CNTNAP5: variants seen among roughly 807,000 people sequenced by gnomAD.
CNTNAP5 encodes the protein contactin associated protein family member 5.
Under a neutral mutation model 150.2 loss-of-function variants are expected in CNTNAP5, and 72 were observed. The ratio of observed to expected loss-of-function variants is 0.48; its 90% CI spans 0.40 to 0.58. The LOEUF is 0.58. CNTNAP5 is among the 20% of genes least tolerant of loss of function. The probability of loss-of-function intolerance (pLI) is 0.00; values close to 1 mark genes in which losing one functional copy is unlikely to be tolerated. For synonymous variants in CNTNAP5, 672 were observed against 619.8 expected, an observed-to-expected ratio of 1.08 and a Z score of -1.25; for missense variants, 1,636 against 1,626.2, an observed-to-expected ratio of 1.01 and a Z score of -0.10.
intron 12 of CNTNAP5, among the ~76,000 whole-genome samples, chr2:124,629,536 A>G (rs1484675191): frequency 6.6e-6 from 1 of 152,214 alleles, no homozygotes; most frequent in Admixed American, 6.5e-5. Flanking sequence ...ACAATTTATC[A>G]GAATCTCTGG....
At chr2:124,079,709 G>A (rs1163093021) in intron 1 of CNTNAP5, among the ~76,000 whole-genome samples, 1 of 152,146 alleles carries the variant, frequency 6.6e-6, no homozygotes, top group Non-Finnish European at 1.5e-5. Flanking sequence ...GCGTGTGTAT[G>A]AGCATGCGTG....
chr2:124,091,004 G>A (rs1312810761), intron 1 of CNTNAP5, among the ~76,000 whole-genome samples: 24 of 152,218 alleles, frequency 1.6e-4, no homozygotes, highest in Non-Finnish European at 1.5e-5. Flanking sequence ...AGACAGAAGT[G>A]AAGAAATCCA....
At chr2:124,496,304 G>T (rs142652007) in intron 7 of CNTNAP5, among the ~76,000 whole-genome samples, 2 of 152,270 alleles carry the variant, frequency 1.3e-5, no homozygotes, top group African/African-American at 4.8e-5. Flanking sequence ...GCCAGTCAGT[G>T]CTGGTAGTTC....
intron 3 of CNTNAP5, among the ~76,000 whole-genome samples, chr2:124,283,238 T>G (rs1376438806): frequency 2.0e-5 from 3 of 152,198 alleles, no homozygotes; most frequent in African/African-American, 4.8e-5. Context: ...GAGAGCATTT[T>G]CCCCTCAACA....
intron 22 of CNTNAP5, among the ~76,000 whole-genome samples, chr2:124,903,756 A>C (rs542468848): frequency 6.6e-6 from 1 of 152,256 alleles, no homozygotes; most frequent in East Asian, 1.9e-4. Flanking sequence ...GCTGTACATT[A>C]GTTCACCAAA....
intron 3 of CNTNAP5, among the ~76,000 whole-genome samples, chr2:124,243,580 T>C (rs796599608): frequency 3.0e-4 from 45 of 152,298 alleles, no homozygotes; most frequent in African/African-American, 1.1e-3. Flanking sequence ...GCGTAAGTTT[T>C]CTTCATTTTC....
At chr2:124,431,008 A>G (rs1003205973) in intron 4 of CNTNAP5, among the ~76,000 whole-genome samples, 3 of 152,180 alleles carry the variant, frequency 2.0e-5, no homozygotes, top group African/African-American at 7.2e-5. Context: ...CCCATCATAC[A>G]GATAGGAGAA....
At chr2:124,861,801 T>C (rs1677529726) in intron 19 of CNTNAP5, among the ~76,000 whole-genome samples, 1 of 152,100 alleles carries the variant, frequency 6.6e-6, no homozygotes, top group Admixed American at 6.6e-5. Context: ...GTTTTATTTT[T>C]ATTTATTTTA....
chr2:124,196,433 G>A (rs1007103338), intron 1 of CNTNAP5, among the ~76,000 whole-genome samples: 1 of 152,162 alleles, frequency 6.6e-6, no homozygotes, highest in Non-Finnish European at 1.5e-5. Context: ...CGTGTACACA[G>A]CGATTACATG....
intron 12 of CNTNAP5, among the ~76,000 whole-genome samples, chr2:124,611,559 TA>T (rs1215542547): frequency 6.6e-6 from 1 of 152,228 alleles, no homozygotes; most frequent in Non-Finnish European, 1.5e-5. Flanking sequence ...GGTCAAAAAC[TA>T]GGCTTCTCAG....
intron 13 of CNTNAP5, among the ~76,000 whole-genome samples, chr2:124,660,818 C>T (rs1295566017): frequency 6.6e-6 from 1 of 151,698 alleles, no homozygotes; most frequent in African/African-American, 2.4e-5. Context: ...GTGGCTCAAA[C>T]CTGTAATCCC....
At chr2:124,485,881 C>T (rs1693869302) in intron 7 of CNTNAP5, among the ~76,000 whole-genome samples, 1 of 152,080 alleles carries the variant, frequency 6.6e-6, no homozygotes, top group African/African-American at 2.4e-5. Context: ...GCATAACATT[C>T]AGCCAGTAGA....
Position 124,242,282 on chromosome 2 carries a change from A to C in CNTNAP5, c.270A>C (p.Ala90=), listed in dbSNP as rs1221445567. 1.2e-6 allele frequency: 2 copies of C among 1,611,166 alleles called. No individual in the cohort carries two copies. Among genetic ancestry groups the C allele is most frequent in the Admixed American group, 3.4e-5 (2 of 59,586 alleles). ...MDLGNRVEIT[A]VATQGRYGSS... is the part of the protein sequence containing the mutation. ...TGGGAAACAGAGTAGAGATTACAGC[A>C]GTGGCCACGCAGGGAAGATACGGAA... The change falls in exon 3 of 24, where the codon GCA becomes GCC. Residue 90 remains alanine, a synonymous_variant. Coordinates refer to ENST00000682447, the MANE Select transcript of CNTNAP5 (RefSeq NM_001367498.1).
At chr2:124,240,374 G>T (rs1040600104) in intron 2 of CNTNAP5, among the ~76,000 whole-genome samples, 1 of 152,148 alleles carries the variant, frequency 6.6e-6, no homozygotes, top group African/African-American at 2.4e-5. Flanking sequence ...GAAGGAGCAC[G>T]CTAGCCTGGA....
chr2:124,797,218 G>A (rs1222175269), intron 18 of CNTNAP5, among the ~76,000 whole-genome samples: 1 of 152,164 alleles, frequency 6.6e-6, no homozygotes, highest in East Asian at 1.9e-4. Context: ...GAAACCAAGT[G>A]AGACTCAGAT....
At chr2:124,886,252 T>A (rs1367357546) in intron 21 of CNTNAP5, among the ~76,000 whole-genome samples, 1 of 152,076 alleles carries the variant, frequency 6.6e-6, no homozygotes, top group Non-Finnish European at 1.5e-5. Context: ...TGGGGTAACA[T>A]CCCAAGGTTA....
At chr2:124,317,989 G>C (rs1227789334) in intron 3 of CNTNAP5, among the ~76,000 whole-genome samples, 1 of 152,188 alleles carries the variant, frequency 6.6e-6, no homozygotes, top group Non-Finnish European at 1.5e-5. Context: ...TGGGGTTGAA[G>C]TGTTTGTGAG....
intron 10 of CNTNAP5, among the ~76,000 whole-genome samples, chr2:124,559,336 C>T (rs765203464): frequency 1.3e-5 from 2 of 152,084 alleles, no homozygotes; most frequent in Admixed American, 6.6e-5. Context: ...TAAGACAATG[C>T]ACATTCTGCT....
chr2:124,025,635 C>A lies in CNTNAP5; in HGVS notation c.-16C>A, dbSNP rs1333778499. On this transcript the variant is annotated 5_prime_UTR_variant, in exon 1 of 24. Transcript: ENST00000682447. ...AATTTGGGATTCGATTGGGAGGGAC[C>A]GCTCACTCGGGGGAAATGGATTCTT... 1 of 1,613,140 alleles carries A rather than the reference C, an allele frequency of 6.2e-7. No individual in the cohort carries two copies. The highest frequency in any genetic ancestry group is 2.2e-5 in the East Asian group (1 of 44,810).
Sources: gnomAD v4.1 joint callset for allele counts (sites outside exome capture counted in the v4.1 genomes callset) on GRCh38, gnomAD v4.1.1 for gene constraint, MANE v1.5 for transcripts, NCBI Gene and HGNC (gene_info 2026-07-23, HGNC 2026-07-21) for gene names.